GRID2: variants seen among roughly 807,000 people sequenced by gnomAD.
The protein encoded by GRID2 is glutamate receptor ionotropic, delta-2.
In GRID2, 33 loss-of-function variants were observed where a neutral mutation model predicts 114.8. The observed-to-expected ratio is 0.29, with a 90% CI of 0.22 to 0.38. The LOEUF is 0.38. GRID2 is among the 10% of genes least tolerant of loss of function. GRID2 has a pLI of 1.00. For missense variants in GRID2, 1,184 were observed against 1,257.7 expected (o/e 0.94, Z 0.89); for synonymous variants, 505 against 449.9 (o/e 1.12, Z -1.55).
chr4:93,443,400 TAA>T (rs1721799013), intron 10 of GRID2, among the ~76,000 whole-genome samples: 1 of 151,770 alleles, frequency 6.6e-6, no homozygotes, highest in Non-Finnish European at 1.5e-5. Context: ...GAGTAAGAAT[TAA>T]AAAGGACATA....
rs189398065 is a variant in GRID2 at position 93,073,165 on chromosome 4, C to T, written c.245-11830C>T. Among the ~76,000 whole-genome samples, 50 of 152,178 alleles carry T rather than the reference C, an allele frequency of 3.3e-4. No homozygotes were observed. The East Asian group carries it at 7.2e-3, about 22-fold the overall frequency. On this transcript the variant is annotated intron_variant, in intron 2 of 15. Transcript: ENST00000282020. ...AATACCATGGGACCCATAAAAAGTG[C>T]GACTAGTGATGCTGGAAGTGTTTCC...
At chr4:92,564,827 A>T in intron 1 of GRID2, among the ~76,000 whole-genome samples, 1 of 152,004 alleles carries the variant, frequency 6.6e-6, no homozygotes, top group East Asian at 1.9e-4. Context: ...TAAAATATAT[A>T]TTTTCGTGCT....
chr4:93,146,117 T>C (rs1047689272), intron 4 of GRID2, among the ~76,000 whole-genome samples: 11 of 152,146 alleles, frequency 7.2e-5, no homozygotes, highest in Non-Finnish European at 1.6e-4. Flanking sequence ...GTATGAATTA[T>C]GTAGAAGGCC....
chr4:92,690,690 T>C (rs1173780320), intron 2 of GRID2, among the ~76,000 whole-genome samples: 2 of 152,144 alleles, frequency 1.3e-5, no homozygotes, highest in East Asian at 3.9e-4. Flanking sequence ...AATTCAGTGA[T>C]CTATATCCTG....
At chr4:93,481,347 G>A (rs1299010889) in intron 11 of GRID2, among the ~76,000 whole-genome samples, 1 of 152,060 alleles carries the variant, frequency 6.6e-6, no homozygotes. Flanking sequence ...TCTTATCAAT[G>A]CATGAGATAT....
At chr4:92,602,866 C>A (rs1334892125) in intron 2 of GRID2, among the ~76,000 whole-genome samples, 2 of 152,100 alleles carry the variant, frequency 1.3e-5, no homozygotes, top group South Asian at 2.1e-4. Flanking sequence ...TCTCAGGATA[C>A]AAAATCAATG....
chr4:93,765,550 A>G (rs1352459525), intron 14 of GRID2, among the ~76,000 whole-genome samples: 3 of 151,252 alleles, frequency 2.0e-5, no homozygotes, highest in South Asian at 2.1e-4. Flanking sequence ...CTGCAATTAA[A>G]TGATTTTTTT....
chr4:93,084,727 A>G (rs1730179163), intron 2 of GRID2, among the ~76,000 whole-genome samples: 1 of 152,208 alleles, frequency 6.6e-6, no homozygotes, highest in Non-Finnish European at 1.5e-5. Flanking sequence ...TGCGAGATTC[A>G]TGCTATTTTA....
At chr4:92,502,366 T>A (rs927580441) in intron 1 of GRID2, among the ~76,000 whole-genome samples, 4 of 152,120 alleles carry the variant, frequency 2.6e-5, no homozygotes, top group African/African-American at 7.2e-5. Context: ...GCAAATTTTC[T>A]TGAGAACTGC....
intron 2 of GRID2, among the ~76,000 whole-genome samples, chr4:92,928,725 T>C (rs1191114992): frequency 6.6e-6 from 1 of 151,644 alleles, no homozygotes; most frequent in Non-Finnish European, 1.5e-5. Flanking sequence ...TTATCCACTT[T>C]CACATTAAAG....
chr4:93,680,282 A>G (rs1209936332), intron 14 of GRID2, among the ~76,000 whole-genome samples: 1 of 152,146 alleles, frequency 6.6e-6, no homozygotes, highest in Non-Finnish European at 1.5e-5. Flanking sequence ...TGTGGCAATA[A>G]TCAATAGCTT....
chr4:92,319,541 T>C (rs1190352703), intron 1 of GRID2, among the ~76,000 whole-genome samples: 1 of 152,200 alleles, frequency 6.6e-6, no homozygotes, highest in Admixed American at 6.5e-5. Flanking sequence ...GGGAGATGCC[T>C]AGGGAAGCTA....
chr4:93,765,519 A>C (rs1213837860), intron 14 of GRID2, among the ~76,000 whole-genome samples: 1 of 151,876 alleles, frequency 6.6e-6, no homozygotes, highest in Non-Finnish European at 1.5e-5. Context: ...CCTATCGCTC[A>C]GCTGGCTGAA....
chr4:92,975,318 T>C (rs764643366), intron 2 of GRID2, among the ~76,000 whole-genome samples: 1 of 152,020 alleles, frequency 6.6e-6, no homozygotes, highest in Admixed American at 6.6e-5. Context: ...TTTTCAAAAC[T>C]CTGTTATAAT....
intron 2 of GRID2, among the ~76,000 whole-genome samples, chr4:92,655,536 C>T (rs890412882): frequency 2.0e-5 from 3 of 151,698 alleles, no homozygotes; most frequent in Non-Finnish European, 4.4e-5. Context: ...TTCTATGTGT[C>T]CTTTTTAATT....
In GRID2 at chr4:92,423,762, G is replaced by A. The variant is rs191006162; in HGVS notation, c.88+119018G>A. 5.9e-4 allele frequency among the ~76,000 whole-genome samples: 90 copies of A among 152,194 alleles called. 1 individual carries two copies. Among genetic ancestry groups the A allele is most frequent in the Middle Eastern group, 6.8e-3 (2 of 294 alleles). On this transcript the variant is annotated intron_variant, in intron 1 of 15. Coordinates refer to ENST00000282020, the MANE Select transcript of GRID2 (RefSeq NM_001510.4). ...GGTAGTTGGGTGCAAGAGAGAACCA[G>A]GGTAGTTAAATTTTGTAGCCGAAAG...
intron 13 of GRID2, among the ~76,000 whole-genome samples, chr4:93,519,148 T>C (rs985632069): frequency 3.3e-5 from 5 of 152,188 alleles, no homozygotes; most frequent in Non-Finnish European, 7.4e-5. Context: ...TAACACAGGC[T>C]GTCTAGAACA....
chr4:93,517,655 A>T (rs1247795670), intron 13 of GRID2, among the ~76,000 whole-genome samples: 1 of 151,994 alleles, frequency 6.6e-6, no homozygotes, highest in Non-Finnish European at 1.5e-5. Flanking sequence ...AACAAATAAT[A>T]ACCTTTTCAC....
At chr4:92,973,844 T>A (rs1753676130) in intron 2 of GRID2, among the ~76,000 whole-genome samples, 1 of 152,184 alleles carries the variant, frequency 6.6e-6, no homozygotes, top group Non-Finnish European at 1.5e-5. Context: ...ATTAATGGGA[T>A]CTTATTAAAC....
Sources: gnomAD v4.1 joint callset for allele counts (sites outside exome capture counted in the v4.1 genomes callset) on GRCh38, gnomAD v4.1.1 for gene constraint, MANE v1.5 for transcripts, NCBI Gene and HGNC (gene_info 2026-07-23, HGNC 2026-07-21) for gene names.